The following TANGO6 variants were observed in gnomAD, a reference collection of about 807,000 sequenced individuals.
TANGO6 encodes transport and Golgi organization protein 6 homolog.
In TANGO6, 90 loss-of-function variants were observed where a neutral mutation model predicts 114.2. The ratio of observed to expected loss-of-function variants is 0.79; its 90% CI spans 0.66 to 0.94. The LOEUF is 0.94. TANGO6 is among the 40% of genes least tolerant of loss of function. The probability of loss-of-function intolerance (pLI) is 0.00; values close to 1 mark genes in which losing one functional copy is unlikely to be tolerated. For synonymous variants in TANGO6, 477 were observed against 509.8 expected, an observed-to-expected ratio of 0.94 and a Z score of 0.87; for missense variants, 1,274 against 1,315.3, an observed-to-expected ratio of 0.97 and a Z score of 0.49.
chr16:68,915,462 T>A (rs1206676936), intron 11 of TANGO6, among the ~76,000 whole-genome samples: 1 of 152,182 alleles, frequency 6.6e-6, no homozygotes, highest in Non-Finnish European at 1.5e-5. Context: ...AGACAGGGTC[T>A]CACTTTGTTG....
chr16:68,846,441 A>G (rs1961805642), intron 1 of TANGO6: 1 of 280,278 alleles, frequency 3.6e-6, no homozygotes, highest in Non-Finnish European at 7.0e-6. Context: ...GTAACTGGAA[A>G]AGGGAGGAGA....
chr16:68,866,741 G>A (rs985677164), intron 3 of TANGO6, among the ~76,000 whole-genome samples: 5 of 151,442 alleles, frequency 3.3e-5, no homozygotes, highest in African/African-American at 7.3e-5. Flanking sequence ...GTTCGAGACC[G>A]GCCTGGCTAA....
chr16:68,848,002 A>C (rs2152148775), intron 1 of TANGO6, among the ~76,000 whole-genome samples: 1 of 150,944 alleles, frequency 6.6e-6, no homozygotes, highest in Admixed American at 6.6e-5. Flanking sequence ...TCCATCACAA[A>C]AAAAAAAAAA....
rs1962403079 is a variant in TANGO6 at position 68,878,393 on chromosome 16, C to G, written c.1294+113C>G. ...CAGTCTCTTTAGTTTTCCTTCCCCT[C>G]CCCCCAACTTTTTATTTTGACAAAT... On this transcript the variant is annotated intron_variant, in intron 6 of 17. Transcript: ENST00000261778. The G allele has an allele frequency of 2.4e-6, 3 of 1,253,626 alleles. No homozygotes were observed. The African/African-American group carries it at 4.6e-5, about 19-fold the overall frequency. The allele number at this position is 1,253,626 out of a possible 1,614,324, so 77.7% of individuals were successfully genotyped here.
intron 15 of TANGO6, among the ~76,000 whole-genome samples, chr16:69,003,262 T>C (rs1344150217): frequency 2.0e-5 from 3 of 152,196 alleles, no homozygotes; most frequent in East Asian, 3.9e-4. Context: ...ACACCTAAGG[T>C]AGCTCAGAGA....
intron 3 of TANGO6, among the ~76,000 whole-genome samples, chr16:68,864,673 T>G (rs1962150365): frequency 6.6e-6 from 1 of 152,134 alleles, no homozygotes; most frequent in South Asian, 2.1e-4. Context: ...CAGAGATATC[T>G]CCTAATTGAG....
intron 16 of TANGO6, chr16:69,035,320 A>G (rs1253089966): frequency 6.6e-6 from 1 of 152,192 alleles, no homozygotes; most frequent in Non-Finnish European, 1.5e-5. Context: ...TTTGCTGTTA[A>G]GGTTTCTTGG....
At position 69,073,388 on chromosome 16, in the gene TANGO6, G is replaced by A. The variant is rs1468743150; in HGVS notation, c.3109-10097G>A. Reference sequence around the variant, plus strand: ...CCTTTGCTTCCAGAGAATTGCCTGCGTTTCTCTCTTAGAACGGAGATCACT... The same window carrying A: ...CCTTTGCTTCCAGAGAATTGCCTGCATTTCTCTCTTAGAACGGAGATCACT... On this transcript the variant is annotated intron_variant, in intron 17 of 17. Coordinates refer to ENST00000261778, the MANE Select transcript of TANGO6 (RefSeq NM_024562.2). 2.0e-5 allele frequency among the ~76,000 whole-genome samples: 3 copies of A among 152,180 alleles called. No individual in the cohort carries two copies. In the East Asian group the frequency reaches 5.8e-4, roughly 29 times the overall value.
At chr16:68,954,932 T>C (rs1963510486) in intron 14 of TANGO6, among the ~76,000 whole-genome samples, 1 of 152,216 alleles carries the variant, frequency 6.6e-6, no homozygotes, top group Non-Finnish European at 1.5e-5. Context: ...TTTTCTAATA[T>C]GAACACGTAT....
At chr16:68,892,132 A>G (rs1011380671) in intron 7 of TANGO6, among the ~76,000 whole-genome samples, 2 of 152,236 alleles carry the variant, frequency 1.3e-5, no homozygotes, top group African/African-American at 4.8e-5. Flanking sequence ...CCAGGTTCAC[A>G]AATACAGAAA....
intron 15 of TANGO6, among the ~76,000 whole-genome samples, chr16:69,005,493 A>T (rs1380112931): frequency 6.6e-6 from 1 of 152,082 alleles, no homozygotes; most frequent in Non-Finnish European, 1.5e-5. Flanking sequence ...CAAAATCGAA[A>T]TTTAACAAAA....
chr16:68,983,676 G>A (rs1164151421), intron 15 of TANGO6, among the ~76,000 whole-genome samples: 1 of 152,120 alleles, frequency 6.6e-6, no homozygotes, highest in Non-Finnish European at 1.5e-5. Context: ...GTGTGGCAGT[G>A]TGCTACAAGG....
chr16:68,870,672 A>G (rs773544602), intron 4 of TANGO6, among the ~76,000 whole-genome samples: 2 of 152,124 alleles, frequency 1.3e-5, no homozygotes, highest in African/African-American at 2.4e-5. Context: ...GCAGGTTTAT[A>G]TTGACCTGCA....
chr16:68,901,037 T>C (rs906489957), intron 8 of TANGO6, among the ~76,000 whole-genome samples: 1 of 152,212 alleles, frequency 6.6e-6, no homozygotes, highest in Non-Finnish European at 1.5e-5. Flanking sequence ...TCCTTTGTCG[T>C]AGAATTTAAG....
chr16:68,943,656 C>T (rs1963381692), intron 14 of TANGO6, among the ~76,000 whole-genome samples: 2 of 151,964 alleles, frequency 1.3e-5, no homozygotes, highest in Non-Finnish European at 2.9e-5. Context: ...TGAGCCACCG[C>T]ACCCGGCCAA....
At chr16:68,912,349 C>T (rs1962934058) in intron 11 of TANGO6, among the ~76,000 whole-genome samples, 1 of 151,678 alleles carries the variant, frequency 6.6e-6, no homozygotes, top group South Asian at 2.1e-4. Context: ...AATACAAAAA[C>T]TAGACCGGGT....
intron 15 of TANGO6, among the ~76,000 whole-genome samples, chr16:68,993,522 A>G (rs1312112306): frequency 5.9e-5 from 9 of 152,226 alleles, no homozygotes; most frequent in Non-Finnish European, 1.0e-4. Flanking sequence ...TAGGAAGACA[A>G]TGTTACTTAA....
intron 14 of TANGO6, among the ~76,000 whole-genome samples, chr16:68,970,667 C>CA (rs11291012): frequency 0.029 from 3,185 of 110,530 alleles, 46 homozygotes; most frequent in African/African-American, 0.036. Context: ...AACTTCGTCT[C>CA]AAAAAAAAAA....
intron 8 of TANGO6, among the ~76,000 whole-genome samples, 197 bp downstream of exon 8, chr16:68,900,743 A>G (rs1361257481): frequency 6.6e-6 from 1 of 152,220 alleles, no homozygotes; most frequent in Non-Finnish European, 1.5e-5. Context: ...CATTGGATAC[A>G]GTTTTTAGAA....
Sources: gnomAD v4.1 joint callset for allele counts (sites outside exome capture counted in the v4.1 genomes callset) on GRCh38, gnomAD v4.1.1 for gene constraint, MANE v1.5 for transcripts, NCBI Gene and HGNC (gene_info 2026-07-23, HGNC 2026-07-21) for gene names.